TSEN2: variants seen among roughly 807,000 people sequenced by gnomAD.
TSEN2 encodes the protein tRNA splicing endonuclease subunit 2.
Under a neutral mutation model 59.2 loss-of-function variants are expected in TSEN2, and 54 were observed. The ratio of observed to expected loss-of-function variants is 0.91; its 90% CI spans 0.73 to 1.14. The LOEUF (loss-of-function observed/expected upper bound fraction) is 1.14, where lower values mean the gene tolerates loss of function less well. Among genes scored for constraint, TSEN2 ranks in the 50% most tolerant of loss-of-function variants. The pLI is 0.00. For missense variants in TSEN2, 636 were observed against 576.2 expected (o/e 1.10, Z -1.06); for synonymous variants, 195 against 198.2 (o/e 0.98, Z 0.14).
chr3:12,489,128 C>A (rs1367567740), intron 1 of TSEN2, among the ~76,000 whole-genome samples: 2 of 151,992 alleles, frequency 1.3e-5, no homozygotes, highest in African/African-American at 4.8e-5. Context: ...AATCACACTG[C>A]TAGGAAGTGG....
At chr3:12,491,041 G>A (rs1374559215) in intron 2 of TSEN2, among the ~76,000 whole-genome samples, 1 of 151,958 alleles carries the variant, frequency 6.6e-6, no homozygotes, top group Admixed American at 6.6e-5. Context: ...CCCAGACTAG[G>A]GTGCAGTGGC....
chr3:12,532,303 A>G (rs1461371879), intron 11 of TSEN2, among the ~76,000 whole-genome samples: 1 of 151,936 alleles, frequency 6.6e-6, no homozygotes, highest in African/African-American at 2.4e-5. Context: ...ATGCTCATCA[A>G]CCTCATTTCT....
Position 12,498,784 on chromosome 3 carries a change from C to T in TSEN2, c.308+2230C>T, listed in dbSNP as rs12486185. Among the ~76,000 whole-genome samples, 830 of 152,262 alleles carry T rather than the reference C, an allele frequency of 5.5e-3. 6 individuals are homozygous for T. Among genetic ancestry groups the T allele is most frequent in the Middle Eastern group, 0.014 (4 of 292 alleles). On this transcript the variant is annotated intron_variant, in intron 4 of 11. Coordinates refer to ENST00000284995, the MANE Select transcript of TSEN2 (RefSeq NM_025265.4). ...CACAGTTCTATCAGCAAGCTACATA[C>T]GTCCCCCAACCAAAACCAATACTTG...
Position 12,529,877 on chromosome 3 carries a change from A to G in TSEN2, c.1248+4A>G. ...AGTTTCCGTTAATGTCTCTAAGGTA[A>G]CACAACATCAGCTTTGCCATTGGAG... On this transcript the variant is annotated splice_donor_region_variant and intron_variant, in intron 10 of 11. Transcript: ENST00000284995. The G allele has an allele frequency of 6.2e-7, 1 of 1,613,366 alleles. No individual in the cohort carries two copies. Among genetic ancestry groups the G allele is most frequent in the South Asian group, 1.1e-5 (1 of 90,888 alleles).
rs556985582 is a variant in TSEN2, at chr3:12,531,871, T to C, written c.1338+212T>C. ...TCCTCTATTCCTTAATTCCCCACTT[T>C]ATTACCTGTGATGTCCCCATCACTC... On this transcript the variant is annotated intron_variant, in intron 11 of 11. Transcript: ENST00000284995. Among the ~76,000 whole-genome samples, 430 of 152,280 alleles carry C rather than the reference T, an allele frequency of 2.8e-3. 1 individual carries two copies. Among genetic ancestry groups the C allele is most frequent in the Middle Eastern group, 6.8e-3 (2 of 294 alleles).
upstream of TSEN2, among the ~76,000 whole-genome samples, chr3:12,483,238 T>G (rs1443211034): frequency 6.6e-6 from 1 of 152,074 alleles, no homozygotes; most frequent in African/African-American, 2.4e-5. Context: ...CAGCCGGGCG[T>G]GGTGGCAGGC....
rs2053028097 is a variant in TSEN2, at chr3:12,489,863, T to C, written c.63T>C (p.Ser21=). The C allele has an allele frequency of 6.2e-7, 1 of 1,614,082 alleles. No homozygotes were observed. Among genetic ancestry groups the C allele is most frequent in the Non-Finnish European group, 8.5e-7 (1 of 1,180,020 alleles). Residue 21 remains serine, a synonymous_variant, in exon 2 of 12, where the codon TCT becomes TCC. Coordinates refer to ENST00000284995, the MANE Select transcript of TSEN2 (RefSeq NM_025265.4). ...GAAGAGTGTATGAGACTTACGAGTC[T>C]CCATTGCCAATCCCTTTTGGTCAGG... ...RKRRVYETYE[S]PLPIPFGQDH... is the part of the protein sequence containing the mutation.
intron 1 of TSEN2, among the ~76,000 whole-genome samples, chr3:12,485,583 C>G (rs1238610793): frequency 6.6e-6 from 1 of 152,182 alleles, no homozygotes; most frequent in Non-Finnish European, 1.5e-5. Flanking sequence ...ATGTTAAAAT[C>G]AGCTGGGTCC....
intron 10 of TSEN2, chr3:12,530,385 A>C: frequency 1.0e-6 from 1 of 986,374 alleles, no homozygotes; most frequent in South Asian, 4.7e-5. Flanking sequence ...AAGATCACAC[A>C]GCTCATGTGC....
chr3:12,524,403 C>G (rs1193780491), intron 8 of TSEN2, among the ~76,000 whole-genome samples: 1 of 152,196 alleles, frequency 6.6e-6, no homozygotes, highest in African/African-American at 2.4e-5. Flanking sequence ...GGGCCAGGCT[C>G]CCTCCAAAGG....
At chr3:12,480,704 T>C (rs1045152593), upstream of TSEN2, among the ~76,000 whole-genome samples, 1 of 151,950 alleles carries the variant, frequency 6.6e-6, no homozygotes, top group Non-Finnish European at 1.5e-5. Context: ...AATTTTTATA[T>C]ATTTTTTTTA....
intron 4 of TSEN2, among the ~76,000 whole-genome samples, chr3:12,502,451 G>A (rs904048895): frequency 8.6e-5 from 13 of 151,914 alleles, no homozygotes; most frequent in Non-Finnish European, 1.8e-4. Context: ...CAGAAGAATC[G>A]CTTGAACCCG....
At chr3:12,521,495 A>G (rs923664820) in intron 8 of TSEN2, among the ~76,000 whole-genome samples, 1 of 152,102 alleles carries the variant, frequency 6.6e-6, no homozygotes, top group African/African-American at 2.4e-5. Flanking sequence ...CAGGTGGGTC[A>G]CCTGAGGTCA....
At chr3:12,526,112 A>G (rs1362254632) in intron 8 of TSEN2, among the ~76,000 whole-genome samples, 1 of 151,988 alleles carries the variant, frequency 6.6e-6, no homozygotes, top group Admixed American at 6.6e-5. Context: ...GACAAGGCGA[A>G]CGGATCCTTT....
chr3:12,489,869 G>A lies in TSEN2; in HGVS notation c.69G>A (p.Leu23=). The A allele has an allele frequency of 1.2e-6, 2 of 1,614,062 alleles. No homozygotes were observed. The highest frequency in any genetic ancestry group is 1.7e-6 in the Non-Finnish European group (2 of 1,180,022). The change falls in exon 2 of 12, where the codon TTG becomes TTA. Residue 23 remains leucine, a synonymous_variant. Coordinates refer to ENST00000284995, the MANE Select transcript of TSEN2 (RefSeq NM_025265.4). The part of the protein sequence containing the change: ...RRVYETYESP[L]PIPFGQDHGP... ...TGTATGAGACTTACGAGTCTCCATTGCCAATCCCTTTTGGTCAGGACCATG... is the reference window on the plus strand; with the variant it reads ...TGTATGAGACTTACGAGTCTCCATTACCAATCCCTTTTGGTCAGGACCATG...
intron 3 of TSEN2, among the ~76,000 whole-genome samples, chr3:12,492,575 G>A (rs2053327629): frequency 6.6e-6 from 1 of 152,198 alleles, no homozygotes; most frequent in South Asian, 2.1e-4. Context: ...GCCATGACAT[G>A]TATGTGTGTG....
intron 6 of TSEN2, among the ~76,000 whole-genome samples, chr3:12,512,022 C>G (rs773788077): frequency 4.6e-5 from 7 of 152,184 alleles, no homozygotes; most frequent in Non-Finnish European, 1.0e-4. Flanking sequence ...CACTATAACA[C>G]ACAATAGACA....
intron 8 of TSEN2, among the ~76,000 whole-genome samples, chr3:12,525,965 C>T (rs1320077566): frequency 6.6e-6 from 1 of 152,136 alleles, no homozygotes; most frequent in Non-Finnish European, 1.5e-5. Context: ...TTTTCAGCTC[C>T]GTTATAATCT....
At chr3:12,490,618 A>G (rs554829169) in intron 2 of TSEN2, among the ~76,000 whole-genome samples, 11 of 152,362 alleles carry the variant, frequency 7.2e-5, no homozygotes, top group East Asian at 1.9e-4. Flanking sequence ...ATAATTTACA[A>G]CTATAAAGTC....
Sources: allele counts gnomAD v4.1 joint callset (sites outside exome capture counted in the v4.1 genomes callset), GRCh38; gene constraint gnomAD v4.1.1; transcripts MANE v1.5; gene names NCBI Gene and HGNC (gene_info 2026-07-23, HGNC 2026-07-21).